The following ARHGAP22 variants were observed in gnomAD, a reference collection of about 807,000 sequenced individuals.
ARHGAP22 encodes Rho GTPase activating protein 22, also known as rho GTPase-activating protein 22.
Under a neutral mutation model 59.1 loss-of-function variants are expected in ARHGAP22, and 48 were observed. That is an observed-to-expected ratio of 0.81 (90% confidence interval 0.64 to 1.03). ARHGAP22 has a LOEUF of 1.03. ARHGAP22 is among the 50% of genes least tolerant of loss of function. ARHGAP22 has a pLI of 0.00. For missense variants in ARHGAP22, 1,015 were observed against 958.7 expected (o/e 1.06, Z -0.78); for synonymous variants, 445 against 416.4 (o/e 1.07, Z -0.84).
chr10:48,459,959 G>C lies in ARHGAP22; in HGVS notation c.452-68C>G, dbSNP rs1197663899. 5 of 1,477,008 alleles carry C rather than the reference G, an allele frequency of 3.4e-6. No individual in the cohort carries two copies. The African/African-American group carries it at 5.6e-5, about 16-fold the overall frequency. The allele number at this position is 1,477,008 out of a possible 1,614,324, so 91.5% of individuals were successfully genotyped here. ...TCAGTGTTGGGTGCTCAGGACAATGGAGGGCAGGCGCACTGTTAGGGCTAA... is the reference window on the plus strand; with the variant it reads ...TCAGTGTTGGGTGCTCAGGACAATGCAGGGCAGGCGCACTGTTAGGGCTAA... On this transcript the variant is annotated intron_variant, in intron 4 of 9. Transcript: ENST00000249601.
At chr10:48,457,344 C>T (rs545606524) in intron 5 of ARHGAP22, among the ~76,000 whole-genome samples, 4 of 152,294 alleles carry the variant, frequency 2.6e-5, no homozygotes, top group African/African-American at 9.6e-5. Flanking sequence ...AGGGCTCCTC[C>T]CTGAGCAGCC....
At chr10:48,541,985 G>A (rs1299784886) in intron 3 of ARHGAP22, among the ~76,000 whole-genome samples, 2 of 152,248 alleles carry the variant, frequency 1.3e-5, no homozygotes, top group Non-Finnish European at 2.9e-5. Context: ...GGTTGGACAG[G>A]AGAAGGCTGT....
chr10:48,589,169 C>T (rs1430341548), intron 1 of ARHGAP22, among the ~76,000 whole-genome samples: 3 of 152,200 alleles, frequency 2.0e-5, no homozygotes, highest in Admixed American at 1.3e-4. Context: ...CCTGATATTG[C>T]TCTGACCAAA....
chr10:48,592,694 T>C (rs2059833738), intron 1 of ARHGAP22, among the ~76,000 whole-genome samples: 1 of 152,178 alleles, frequency 6.6e-6, no homozygotes, highest in South Asian at 2.1e-4. Flanking sequence ...ACCCTGGCCT[T>C]GACCCTGCCA....
chr10:48,638,400 T>TTGTGTGTGTGTGTGTG lies in ARHGAP22; in HGVS notation c.52+13833_52+13834insCACACACACACACACA, dbSNP rs148218697. Among the ~76,000 whole-genome samples the TTGTGTGTGTGTGTGTG allele has an allele frequency of 1.0e-3, 155 of 151,482 alleles. 1 individual carries two copies. Among genetic ancestry groups the TTGTGTGTGTGTGTGTG allele is most frequent in the African/African-American group, 3.5e-3 (145 of 41,324 alleles). On this transcript the variant is annotated intron_variant, in intron 1 of 9. Coordinates refer to the ARHGAP22 transcript ENST00000435790. ...AACTCGCGGGCCAGGAGTGTGTGTG[T>TTGTGTGTGTGTGTGTG]TGTGTGTGTGTGTGTATGTTTAGCT...
At chr10:48,456,653 G>C (rs1589458064) in intron 5 of ARHGAP22, among the ~76,000 whole-genome samples, 1 of 152,126 alleles carries the variant, frequency 6.6e-6, no homozygotes, top group Non-Finnish European at 1.5e-5. Context: ...TTCTGCAGCT[G>C]GGGGGATGGG....
At chr10:48,500,885 C>T (rs527292808) in intron 3 of ARHGAP22, among the ~76,000 whole-genome samples, 13 of 130,416 alleles carry the variant, frequency 1.0e-4, no homozygotes, top group African/African-American at 2.1e-4. Flanking sequence ...AGTGAGACTC[C>T]GCCTCAAAAA....
chr10:48,509,836 G>A (rs954017074), intron 3 of ARHGAP22, among the ~76,000 whole-genome samples: 1 of 152,222 alleles, frequency 6.6e-6, no homozygotes, highest in Admixed American at 6.5e-5. Context: ...AGGGGGCACA[G>A]GAAGGAAGGA....
chr10:48,501,030 A>G (rs112079984), intron 3 of ARHGAP22, among the ~76,000 whole-genome samples: 3,762 of 152,302 alleles, frequency 0.025, 64 homozygotes, highest in Non-Finnish European at 0.033. Flanking sequence ...AGAAAATGTA[A>G]CTACATGAAA....
intron 3 of ARHGAP22, among the ~76,000 whole-genome samples, chr10:48,537,622 T>A (rs1301557060): frequency 5.3e-5 from 8 of 152,210 alleles, no homozygotes; most frequent in Non-Finnish European, 1.2e-4. Flanking sequence ...ACTGTCACCA[T>A]CCAGTGAAAC....
intron 1 of ARHGAP22, among the ~76,000 whole-genome samples, chr10:48,636,236 G>A (rs929760844): frequency 3.3e-5 from 5 of 152,294 alleles, no homozygotes; most frequent in African/African-American, 1.2e-4. Flanking sequence ...GGTGGCTGTC[G>A]ATAAAGGCAT....
At chr10:48,529,680 G>A (rs1370109588) in intron 3 of ARHGAP22, among the ~76,000 whole-genome samples, 2 of 152,184 alleles carry the variant, frequency 1.3e-5, no homozygotes, top group African/African-American at 4.8e-5. Flanking sequence ...TCCCCACCAA[G>A]CCATGGCCAC....
chr10:48,459,119 G>A (rs1346856485), intron 5 of ARHGAP22, among the ~76,000 whole-genome samples: 1 of 149,678 alleles, frequency 6.7e-6, no homozygotes, highest in Non-Finnish European at 1.5e-5. Flanking sequence ...ATCCCCAAAC[G>A]GCCCTAGGCT....
chr10:48,455,451 G>A lies in ARHGAP22; in HGVS notation c.660-317C>T, dbSNP rs557502078. Among the ~76,000 whole-genome samples the A allele has an allele frequency of 3.9e-5, 6 of 152,344 alleles. No homozygotes were observed. The South Asian group carries it at 1.2e-3, about 32-fold the overall frequency. ...TGTCAGTCCGTCCAGAACCTGTCCT[G>A]CGTAGACTGCGTAGGACTCCAGGAA... On this transcript the variant is annotated intron_variant, in intron 5 of 9. Transcript: ENST00000249601.
intron 2 of ARHGAP22, among the ~76,000 whole-genome samples, chr10:48,569,113 G>A (rs1056723197): frequency 1.3e-5 from 2 of 152,218 alleles, no homozygotes; most frequent in Non-Finnish European, 2.9e-5. Flanking sequence ...ATTTCTGGGA[G>A]GCCCTGAAAC....
chr10:48,601,571 T>G (rs1250512762), intron 1 of ARHGAP22, among the ~76,000 whole-genome samples: 3 of 152,188 alleles, frequency 2.0e-5, no homozygotes, highest in African/African-American at 7.2e-5. Flanking sequence ...ATTTTGTTTC[T>G]TTTACACCCT....
intron 2 of ARHGAP22, among the ~76,000 whole-genome samples, chr10:48,568,081 A>C (rs939433407): frequency 5.9e-5 from 9 of 152,170 alleles, no homozygotes; most frequent in African/African-American, 2.2e-4. Flanking sequence ...GGAAAAAGAA[A>C]GGAGAGGTCA....
intron 3 of ARHGAP22, among the ~76,000 whole-genome samples, chr10:48,484,629 T>C (rs2049676063): frequency 1.3e-5 from 2 of 152,374 alleles, no homozygotes; most frequent in South Asian, 4.1e-4. Context: ...GTGGAAATGT[T>C]TGTAATAACA....
chr10:48,605,138 G>GGGGGC (rs2060613517), upstream of ARHGAP22: 4 of 1,202,416 alleles, frequency 3.3e-6, no homozygotes, highest in Non-Finnish European at 3.1e-6. Context: ...AGCTGAGCGC[G>GGGGGC]GGGGCGGGGC....
Sources: allele counts gnomAD v4.1 joint callset (sites outside exome capture counted in the v4.1 genomes callset), GRCh38; gene constraint gnomAD v4.1.1; transcripts MANE v1.5; gene names NCBI Gene and HGNC (gene_info 2026-07-23, HGNC 2026-07-21).